The following NEMP1 variants were observed in gnomAD, a reference collection of about 807,000 sequenced individuals.
NEMP1 encodes nuclear envelope integral membrane protein 1.
NEMP1 carries 29 observed loss-of-function variants against 53.7 expected under a neutral mutation model. The observed-to-expected ratio is 0.54, with a 90% CI of 0.40 to 0.74. The LOEUF (loss-of-function observed/expected upper bound fraction) is 0.74, where lower values mean the gene tolerates loss of function less well. Ranked by LOEUF, NEMP1 falls within the 30% of genes least tolerant of loss-of-function variation. The pLI, the probability that NEMP1 is intolerant of heterozygous loss-of-function variation, is 0.00. For missense variants in NEMP1, 477 were observed against 528.6 expected (o/e 0.90, Z 0.96); for synonymous variants, 193 against 192.9 (o/e 1.00, Z 0.00).
At chr12:57,087,192 G>C (rs1323339234) in intron 1 of NEMP1, among the ~76,000 whole-genome samples, 1 of 152,234 alleles carries the variant, frequency 6.6e-6, no homozygotes, top group Non-Finnish European at 1.5e-5. Context: ...CGGGACCCGG[G>C]CGCCCCGCGC....
intron 3 of NEMP1, 71 bp downstream of exon 3, chr12:57,070,603 A>C: frequency 7.5e-7 from 1 of 1,335,828 alleles, no homozygotes; most frequent in Non-Finnish European, 1.0e-6. Context: ...TCTCAGTCTC[A>C]CTAATTATAC....
chr12:57,063,540 G>T (rs1318328085), intron 6 of NEMP1, among the ~76,000 whole-genome samples, 196 bp from the exon 7 acceptor site: 2 of 151,966 alleles, frequency 1.3e-5, no homozygotes, highest in East Asian at 3.9e-4. Context: ...AATTTATTTG[G>T]TTCAAACAGA....
intron 2 of NEMP1, among the ~76,000 whole-genome samples, chr12:57,071,914 C>T (rs1202259018): frequency 6.6e-6 from 1 of 152,078 alleles, no homozygotes; most frequent in Non-Finnish European, 1.5e-5. Flanking sequence ...ATAACAACTA[C>T]GACATTTCTG....
chr12:57,060,144 C>T (rs2031731307), intron 8 of NEMP1, 85 bp from the exon 9 acceptor site: 2 of 1,248,460 alleles, frequency 1.6e-6, no homozygotes, highest in Non-Finnish European at 2.2e-6. Flanking sequence ...TTAAAGCCCT[C>T]GATATGCTCG....
At chr12:57,075,083 C>T (rs1162437756) in intron 1 of NEMP1, among the ~76,000 whole-genome samples, 1 of 150,650 alleles carries the variant, frequency 6.6e-6, no homozygotes, top group African/African-American at 2.4e-5. Context: ...AGCAAGACTA[C>T]GTCTCAAAAA....
intron 6 of NEMP1, among the ~76,000 whole-genome samples, chr12:57,063,826 T>TGTAAAGAAAGGTATATTTATAA (rs2031937953): frequency 6.6e-6 from 1 of 152,220 alleles, no homozygotes; most frequent in South Asian, 2.1e-4. Context: ...ATGTTTATTG[T>TGTAAAGAAAGGTATATTTATAA]GTAAAGAAAG....
At chr12:57,085,283 G>A (rs1308748693) in intron 1 of NEMP1, among the ~76,000 whole-genome samples, 4 of 152,120 alleles carry the variant, frequency 2.6e-5, no homozygotes, top group Admixed American at 6.6e-5. Flanking sequence ...GGGCTCAAAT[G>A]TTCCTCCCAC....
chr12:57,063,388 T>C, intron 6 of NEMP1, 44 bp from the exon 7 acceptor site: 1 of 1,525,024 alleles, frequency 6.6e-7, no homozygotes, highest in South Asian at 1.1e-5. Context: ...CATCTATACT[T>C]GGTAAAAATA....
chr12:57,065,929 G>T (rs1343061709), intron 4 of NEMP1, among the ~76,000 whole-genome samples: 1 of 151,980 alleles, frequency 6.6e-6, no homozygotes, highest in Non-Finnish European at 1.5e-5. Flanking sequence ...AGACAGTTAG[G>T]GTCTTGCTCT....
At position 57,056,831 on chromosome 12, in the gene NEMP1, T is replaced by A. The variant is rs989885037; in HGVS notation, c.*3048A>T. The A allele has an allele frequency of 1.3e-5, 2 of 152,164 alleles. No individual in the cohort carries two copies. The highest frequency in any genetic ancestry group is 4.8e-5 in the African/African-American group (2 of 41,436). 9.4% of individuals were successfully genotyped at this position (152,164 alleles called of 1,614,324 possible). A position where few individuals can be genotyped will look rare whatever the true frequency, so the allele number is the denominator to read the frequency against. On this transcript the variant is annotated 3_prime_UTR_variant, in exon 9 of 9. Coordinates refer to ENST00000300128, the MANE Select transcript of NEMP1 (RefSeq NM_001130963.2). Reference sequence around the variant, plus strand: ...ATGCCAAGGGTTAAAGGGAACACCATCAGTCAAGAGACGGCTGGGCCCTAG... The same window carrying A: ...ATGCCAAGGGTTAAAGGGAACACCAACAGTCAAGAGACGGCTGGGCCCTAG...
At chr12:57,087,304 G>C (rs2033031706) in intron 1 of NEMP1, among the ~76,000 whole-genome samples, 1 of 152,202 alleles carries the variant, frequency 6.6e-6, no homozygotes, top group Admixed American at 6.5e-5. Flanking sequence ...AAGGGGGCCG[G>C]GGTGGGAGGG....
At chr12:57,087,407 G>C (rs890704449) in intron 1 of NEMP1, among the ~76,000 whole-genome samples, 7 of 151,824 alleles carry the variant, frequency 4.6e-5, no homozygotes, top group African/African-American at 1.7e-4. Flanking sequence ...GGAAACCCGG[G>C]GCCAGCGGCT....
chr12:57,078,700 C>G lies in NEMP1; in HGVS notation c.46G>C (p.Gly16Arg), dbSNP rs968224122. ...KVAVSPAVGP[G>R]PWGSGVGGGG... ...CCCCCGACTCCCGAGCCCCAGGGCC[C>G]GGGACCAACTGCCGGCGAGACCGCC... Residue 16 changes from glycine (G) to arginine (R), a missense_variant, in exon 1 of 9, where the codon GGG becomes CGG. Physicochemically the swap from Gly to Arg is moderately radical, Grantham distance 125. Transcript: ENST00000300128. The G allele has an allele frequency of 4.3e-6, 7 of 1,613,340 alleles. No homozygotes were observed. The highest frequency in any genetic ancestry group is 3.3e-5 in the South Asian group (3 of 90,954).
chr12:57,078,162 G>T (rs917884649), intron 1 of NEMP1, among the ~76,000 whole-genome samples: 1 of 152,138 alleles, frequency 6.6e-6, no homozygotes, highest in Non-Finnish European at 1.5e-5. Flanking sequence ...AACTACATCC[G>T]TTCTGCCACC....
chr12:57,057,697 C>A lies in NEMP1; in HGVS notation c.*2182G>T, dbSNP rs2031594608. 1.3e-5 allele frequency: 2 copies of A among 152,144 alleles called. No homozygotes were observed. The highest frequency in any genetic ancestry group is 6.5e-5 in the Admixed American group (1 of 15,272). The allele number at this position is 152,144 out of a possible 1,614,324, so 9.4% of individuals were successfully genotyped here. On this transcript the variant is annotated 3_prime_UTR_variant, in exon 9 of 9. Coordinates refer to ENST00000300128, the MANE Select transcript of NEMP1 (RefSeq NM_001130963.2). ...TGATTTTATTCACCTCAAGTCTAAA[C>A]ACGGTGGAAAAAAAACTGGTCTAGA...
At chr12:57,061,032 A>T (rs1035767916) in intron 7 of NEMP1, 87 bp from the exon 8 acceptor site, 33 of 1,345,652 alleles carry the variant, frequency 2.5e-5, no homozygotes, top group Non-Finnish European at 3.1e-5. Flanking sequence ...GGCCAAGAAT[A>T]CAGCAGACAG....
chr12:57,078,852 G>A, upstream of NEMP1: 1 of 1,293,542 alleles, frequency 7.7e-7, no homozygotes, highest in Non-Finnish European at 1.1e-6. Context: ...ATCAACCAAT[G>A]GGATGGGCAG....
Position 57,076,835 on chromosome 12 carries a change from C to T in NEMP1, c.127+1784G>A, listed in dbSNP as rs572292372. Reference sequence around the variant, plus strand: ...AAAAAAAATTAGCCGAGTGTGGTGGCACATGCCTGTAGTCCCAGCTACTTG... The same window carrying T: ...AAAAAAAATTAGCCGAGTGTGGTGGTACATGCCTGTAGTCCCAGCTACTTG... On this transcript the variant is annotated intron_variant, in intron 1 of 8. Transcript: ENST00000300128. Among the ~76,000 whole-genome samples, 6 of 151,386 alleles carry T rather than the reference C, an allele frequency of 4.0e-5. No individual in the cohort carries two copies. The East Asian group carries it at 1.2e-3, about 30-fold the overall frequency.
Position 57,069,233 on chromosome 12 carries a change from C to A in NEMP1, c.545+1G>T. 6.5e-7 allele frequency: 1 copy of A among 1,544,464 alleles called. No homozygotes were observed. The highest frequency in any genetic ancestry group is 8.7e-7 in the Non-Finnish European group (1 of 1,144,598). On this transcript the variant is annotated splice_donor_variant, in intron 4 of 8. Transcript: ENST00000300128. LOFTEE classifies it high-confidence loss of function. The stretch of plus-strand genomic sequence containing the variant: ...TTCTGCACACTAGCCTTGGAACCTA[C>A]CTGCTCAGCAAGTCTCCACAAAAAA...
Sources: allele counts gnomAD v4.1 joint callset (sites outside exome capture counted in the v4.1 genomes callset), GRCh38; gene constraint gnomAD v4.1.1; transcripts MANE v1.5; gene names NCBI Gene and HGNC (gene_info 2026-07-23, HGNC 2026-07-21).